NRXN3: variants seen among roughly 807,000 people sequenced by gnomAD.
NRXN3 encodes neurexin III.
A neutral mutation model predicts 137.6 loss-of-function variants in NRXN3; 32 were observed. The observed-to-expected ratio is 0.23, with a 90% CI of 0.18 to 0.31. The LOEUF (loss-of-function observed/expected upper bound fraction) is 0.31, where lower values mean the gene tolerates loss of function less well. NRXN3 is among the 10% of genes least tolerant of loss of function. NRXN3 has a pLI of 1.00. For missense variants in NRXN3, 1,574 were observed against 2,062.5 expected, an observed-to-expected ratio of 0.76 and a Z score of 4.59; for synonymous variants, 798 against 784.5, an observed-to-expected ratio of 1.02 and a Z score of -0.29.
chr14:78,701,687 T>C (rs1295830412), intron 6 of NRXN3, among the ~76,000 whole-genome samples: 2 of 152,226 alleles, frequency 1.3e-5, no homozygotes, highest in Non-Finnish European at 2.9e-5. Flanking sequence ...GTTTGACCCA[T>C]AGAGTGTTGG....
At chr14:79,624,517 TTTG>T (rs2098260294) in intron 16 of NRXN3, among the ~76,000 whole-genome samples, 1 of 152,118 alleles carries the variant, frequency 6.6e-6, no homozygotes, top group African/African-American at 2.4e-5. Context: ...CTCAGTTACC[TTTG>T]TTGTCATAAC....
intron 10 of NRXN3, among the ~76,000 whole-genome samples, chr14:78,891,052 A>AT (rs1294598514): frequency 1.3e-5 from 2 of 151,970 alleles, no homozygotes; most frequent in African/African-American, 4.8e-5. Flanking sequence ...ACATTTGTTA[A>AT]TTTTGTCTGG....
At chr14:78,880,972 C>T (rs117827321) in intron 10 of NRXN3, among the ~76,000 whole-genome samples, 6,237 of 152,180 alleles carry the variant, frequency 0.041, 157 homozygotes, top group Non-Finnish European at 0.06. Flanking sequence ...AATTAAATCA[C>T]GGGGGCAATT....
At chr14:79,238,249 T>G (rs1373653313) in intron 15 of NRXN3, among the ~76,000 whole-genome samples, 1 of 152,148 alleles carries the variant, frequency 6.6e-6, no homozygotes, top group Non-Finnish European at 1.5e-5. Flanking sequence ...TCACAAATTA[T>G]GTAGTTAGTT....
chr14:78,592,645 C>T (rs1200958167), intron 4 of NRXN3, among the ~76,000 whole-genome samples: 1 of 152,186 alleles, frequency 6.6e-6, no homozygotes, highest in Non-Finnish European at 1.5e-5. Flanking sequence ...TCTTTGTCTC[C>T]ATAAAATTTC....
At chr14:78,924,312 C>G (rs2099279059) in intron 10 of NRXN3, among the ~76,000 whole-genome samples, 2 of 152,176 alleles carry the variant, frequency 1.3e-5, no homozygotes, top group African/African-American at 4.8e-5. Context: ...TTAGTAAGTG[C>G]CAGGTTTTAT....
intron 4 of NRXN3, among the ~76,000 whole-genome samples, chr14:78,516,369 T>C (rs1459401965): frequency 1.4e-5 from 1 of 73,250 alleles, no homozygotes; most frequent in East Asian, 4.4e-4. Context: ...AAAGAAGGAA[T>C]TGGGGCTAGG....
At chr14:79,082,067 CAT>C (rs368366343) in intron 15 of NRXN3, among the ~76,000 whole-genome samples, 173 of 139,826 alleles carry the variant, frequency 1.2e-3, no homozygotes, top group African/African-American at 4.0e-3. Flanking sequence ...ATGTTTCATA[CAT>C]ATATATATAC....
At chr14:79,591,190 T>C (rs990346677) in intron 16 of NRXN3, among the ~76,000 whole-genome samples, 1 of 152,240 alleles carries the variant, frequency 6.6e-6, no homozygotes, top group African/African-American at 2.4e-5. Context: ...ATGAAAAATA[T>C]ACTATTTATG....
At chr14:78,512,891 T>C (rs529918646) in intron 4 of NRXN3, among the ~76,000 whole-genome samples, 1 of 152,296 alleles carries the variant, frequency 6.6e-6, no homozygotes, top group Admixed American at 6.5e-5. Context: ...GCATCTGTCA[T>C]TGAGAGTGCT....
At chr14:78,674,105 G>A (rs891837381) in intron 6 of NRXN3, among the ~76,000 whole-genome samples, 2 of 152,118 alleles carry the variant, frequency 1.3e-5, no homozygotes, top group African/African-American at 4.8e-5. Flanking sequence ...CAGAAACTGG[G>A]ACAGAAGCAG....
chr14:79,802,317 G>A (rs2099184992), intron 19 of NRXN3, among the ~76,000 whole-genome samples: 1 of 152,148 alleles, frequency 6.6e-6, no homozygotes, highest in African/African-American at 2.4e-5. Context: ...GGCCCTTACA[G>A]TCAAATCATT....
intron 15 of NRXN3, among the ~76,000 whole-genome samples, chr14:79,163,119 A>G (rs1279351639): frequency 6.6e-6 from 1 of 151,936 alleles, no homozygotes; most frequent in Non-Finnish European, 1.5e-5. Flanking sequence ...AGAGAACCTG[A>G]TAAGTGGTGG....
chr14:79,085,700 G>A (rs759865031), intron 15 of NRXN3, among the ~76,000 whole-genome samples: 8 of 152,108 alleles, frequency 5.3e-5, no homozygotes, highest in Non-Finnish European at 8.8e-5. Context: ...GGAATGATAC[G>A]TAGAATTAGA....
chr14:79,370,638 G>A lies in NRXN3; in HGVS notation c.3263-96583G>A, dbSNP rs544169285. 3.7e-4 allele frequency among the ~76,000 whole-genome samples: 56 copies of A among 152,164 alleles called. No homozygotes were observed. In the South Asian group the frequency reaches 3.9e-3, roughly 11 times the overall value. On this transcript the variant is annotated intron_variant, in intron 15 of 20. Transcript: ENST00000335750. ...TGGCCAAGTTTATGTTAAATAACTC[G>A]TCCAGAAGGTGTAGTGGGATGTTTG...
At chr14:79,448,129 G>A (rs1222198488) in intron 15 of NRXN3, among the ~76,000 whole-genome samples, 9 of 152,010 alleles carry the variant, frequency 5.9e-5, no homozygotes, top group Non-Finnish European at 1.3e-4. Flanking sequence ...CCACTCCAGC[G>A]ACACTGGTTT....
At chr14:78,800,553 C>T (rs961999084) in intron 8 of NRXN3, among the ~76,000 whole-genome samples, 2 of 152,156 alleles carry the variant, frequency 1.3e-5, no homozygotes, top group African/African-American at 4.8e-5. Context: ...AACTGTCACA[C>T]TTTTATCTGT....
chr14:79,279,348 GCCC>G, intron 15 of NRXN3: 1 of 985,752 alleles, frequency 1.0e-6, no homozygotes, highest in Non-Finnish European at 1.2e-6. Flanking sequence ...CATATGACTT[GCCC>G]ATTTGTGAAT....
chr14:78,532,071 G>A (rs1164121430), intron 4 of NRXN3, among the ~76,000 whole-genome samples: 3 of 150,932 alleles, frequency 2.0e-5, no homozygotes, highest in South Asian at 4.2e-4. Context: ...TTGAGAGGCC[G>A]AGGTAGGTGG....
Sources: gnomAD v4.1 joint callset for allele counts (sites outside exome capture counted in the v4.1 genomes callset) on GRCh38, gnomAD v4.1.1 for gene constraint, MANE v1.5 for transcripts, NCBI Gene and HGNC (gene_info 2026-07-23, HGNC 2026-07-21) for gene names.